PLCG2: variants seen among roughly 807,000 people sequenced by gnomAD.
PLCG2 encodes the protein phospholipase C gamma 2.
Under a neutral mutation model 175.6 loss-of-function variants are expected in PLCG2, and 69 were observed. The observed-to-expected ratio is 0.39, with a 90% CI of 0.32 to 0.48. The LOEUF is 0.48. Ranked by LOEUF, PLCG2 falls within the 20% of genes least tolerant of loss-of-function variation. The probability of loss-of-function intolerance (pLI) is 0.91; values close to 1 mark genes in which losing one functional copy is unlikely to be tolerated. For missense variants in PLCG2, 1,798 were observed against 1,650.9 expected, an observed-to-expected ratio of 1.09 and a Z score of -1.54; for synonymous variants, 827 against 624.0, an observed-to-expected ratio of 1.33 and a Z score of -4.85.
chr16:81,888,878 C>T (rs547486872), intron 9 of PLCG2, among the ~76,000 whole-genome samples: 16 of 152,286 alleles, frequency 1.1e-4, no homozygotes, highest in African/African-American at 3.1e-4. Flanking sequence ...CATTTGCCTA[C>T]GGATCATCTG....
intron 2 of PLCG2, among the ~76,000 whole-genome samples, chr16:81,813,475 C>G (rs1274048287): frequency 1.3e-5 from 2 of 152,156 alleles, no homozygotes; most frequent in Non-Finnish European, 2.9e-5. Context: ...CTGTGTTTGT[C>G]TGTCATGGTG....
At chr16:81,881,036 C>T (rs1296449056) in intron 8 of PLCG2, 83 bp downstream of exon 8, 8 of 1,382,110 alleles carry the variant, frequency 5.8e-6, no homozygotes, top group Non-Finnish European at 2.1e-6. Flanking sequence ...GGAGGGGATG[C>T]CTGTGTGTGC....
chr16:81,952,313 T>A (rs534357828), intron 31 of PLCG2, among the ~76,000 whole-genome samples: 5 of 152,232 alleles, frequency 3.3e-5, no homozygotes, highest in Admixed American at 3.3e-4. Flanking sequence ...GTTTACATGT[T>A]ACTACAAATA....
chr16:81,811,244 C>T (rs1904317365), intron 2 of PLCG2, among the ~76,000 whole-genome samples: 1 of 152,188 alleles, frequency 6.6e-6, no homozygotes, highest in African/African-American at 2.4e-5. Flanking sequence ...AATGGGCACA[C>T]CGGTGGTACC....
chr16:81,800,531 C>T (rs141494299), intron 2 of PLCG2, among the ~76,000 whole-genome samples: 25 of 152,142 alleles, frequency 1.6e-4, no homozygotes, highest in African/African-American at 4.6e-4. Flanking sequence ...TATGTCCCTG[C>T]GAAGGACACG....
intron 2 of PLCG2, among the ~76,000 whole-genome samples, chr16:81,825,387 C>CT (rs2143355791): frequency 6.8e-6 from 1 of 146,994 alleles, no homozygotes; most frequent in East Asian, 2.0e-4. Flanking sequence ...CTCCTGGATT[C>CT]AAGCCATTCT....
chr16:81,878,329 C>G (rs375560658), intron 7 of PLCG2, among the ~76,000 whole-genome samples: 25 of 152,120 alleles, frequency 1.6e-4, no homozygotes, highest in African/African-American at 6.0e-4. Context: ...TCGGGTCCAC[C>G]CTAACCCAGC....
intron 7 of PLCG2, among the ~76,000 whole-genome samples, chr16:81,880,454 A>G (rs1420158979): frequency 6.6e-6 from 1 of 152,232 alleles, no homozygotes; most frequent in African/African-American, 2.4e-5. Flanking sequence ...GGACACTTAA[A>G]AATAATACTA....
At chr16:81,815,799 G>A (rs150926283) in intron 2 of PLCG2, among the ~76,000 whole-genome samples, 2 of 152,284 alleles carry the variant, frequency 1.3e-5, no homozygotes, top group South Asian at 2.1e-4. Flanking sequence ...AGTGGCTCAC[G>A]CCTGTAATCC....
intron 2 of PLCG2, among the ~76,000 whole-genome samples, chr16:81,810,310 C>T (rs1243546042): frequency 3.9e-5 from 6 of 152,250 alleles, no homozygotes; most frequent in African/African-American, 1.2e-4. Context: ...TCCCAGACGA[C>T]TCTAGTCTAT....
At chr16:81,752,938 C>A (rs1262842855) in intron 1 of PLCG2, among the ~76,000 whole-genome samples, 4 of 152,238 alleles carry the variant, frequency 2.6e-5, no homozygotes, top group Admixed American at 1.3e-4. Flanking sequence ...CTCCTTTGGG[C>A]CTCAGTTTCC....
At chr16:81,946,899 GTGAAGCAGACCCTTTGC>G (rs1471056926) in intron 31 of PLCG2, among the ~76,000 whole-genome samples, 2 of 17,514 alleles carry the variant, frequency 1.1e-4, no homozygotes, top group East Asian at 9.5e-3. Flanking sequence ...CCTTTGCTTA[GTGAAGCAGACCCTTTGC>G]TTAGTGAAGC....
chr16:81,832,733 G>C (rs1905311902), intron 2 of PLCG2, among the ~76,000 whole-genome samples: 1 of 152,234 alleles, frequency 6.6e-6, no homozygotes. Flanking sequence ...ACACTTCTGT[G>C]AGTGGTATGA....
chr16:81,916,940 G>T (rs1381005415), intron 19 of PLCG2, among the ~76,000 whole-genome samples: 2 of 152,038 alleles, frequency 1.3e-5, no homozygotes, highest in Non-Finnish European at 1.5e-5. Context: ...GCCCGGCCAG[G>T]ACTTTGTTAT....
intron 15 of PLCG2, 24 bp downstream of exon 15, chr16:81,905,531 G>A (rs1382804718): frequency 3.4e-6 from 5 of 1,484,680 alleles, no homozygotes; most frequent in African/African-American, 2.8e-5. Context: ...CCTTCCCGTA[G>A]CCACTGCGGC....
At chr16:81,821,291 T>C (rs1023371338) in intron 2 of PLCG2, among the ~76,000 whole-genome samples, 53 of 152,234 alleles carry the variant, frequency 3.5e-4, no homozygotes, top group African/African-American at 1.2e-3. Flanking sequence ...CTAAATATCA[T>C]AGTAATAATA....
chr16:81,934,504 C>T lies in PLCG2; in HGVS notation c.2815C>T (p.Pro939Ser). The change falls in exon 26 of 33, where the codon CCA becomes TCA. Residue 939 changes from proline (P) to serine (S), a missense_variant. Pro to Ser is a moderately conservative substitution (Grantham distance 74). Transcript: ENST00000564138. ...ELSDLVVYCK[P>S]TSKTKDNLEN... ...CTCTGACCTGGTTGTCTACTGCAAA[C>T]CAACCAGCAAAACCAAGGACAACTT... is the stretch of plus-strand genomic sequence containing the variant. 5 of 1,612,054 alleles carry T rather than the reference C, an allele frequency of 3.1e-6. No individual in the cohort carries two copies. Among genetic ancestry groups the T allele is most frequent in the Non-Finnish European group, 4.2e-6 (5 of 1,178,304 alleles).
rs1906588341 is a variant in PLCG2 at position 81,854,592 on chromosome 16, G to A, written c.337+5G>A. On this transcript the variant is annotated splice_donor_5th_base_variant and intron_variant, in intron 3 of 32. Transcript: ENST00000564138. ...TCAGCACGCTCAGCTTGGCAGGTAG[G>A]TGCATGTTTCTGTGCCTTTCTCCTT... The A allele has an allele frequency of 1.2e-6, 2 of 1,612,772 alleles. No individual in the cohort carries two copies. The highest frequency in any genetic ancestry group is 1.7e-6 in the Non-Finnish European group (2 of 1,179,008).
At chr16:81,941,326 G>C (rs1168543924) in intron 30 of PLCG2, among the ~76,000 whole-genome samples, 1 of 152,148 alleles carries the variant, frequency 6.6e-6, no homozygotes, top group East Asian at 1.9e-4. Flanking sequence ...CTCCAGCCTG[G>C]GTGACAGAGC....
Sources: gnomAD v4.1 joint callset for allele counts (sites outside exome capture counted in the v4.1 genomes callset) on GRCh38, gnomAD v4.1.1 for gene constraint, MANE v1.5 for transcripts, NCBI Gene and HGNC (gene_info 2026-07-23, HGNC 2026-07-21) for gene names.